Variants in AHNAK observed in about 807,000 individuals in gnomAD.
The protein encoded by AHNAK is AHNAK nucleoprotein, also known as neuroblast differentiation-associated protein AHNAK.
In AHNAK, 23 loss-of-function variants were observed where a neutral mutation model predicts 37.8. The observed-to-expected ratio is 0.61, with a 90% confidence interval of 0.44 to 0.86. The LOEUF (loss-of-function observed/expected upper bound fraction) is 0.86. Ranked by LOEUF, AHNAK falls within the 40% of genes least tolerant of loss-of-function variation. The pLI, the probability that AHNAK is intolerant of heterozygous loss-of-function variation, is 0.00. For missense variants in AHNAK, 7,411 were observed against 7,319.4 expected, an observed-to-expected ratio of 1.01 and a Z score of -0.46; for synonymous variants, 2,481 against 2,636.3, an observed-to-expected ratio of 0.94 and a Z score of 1.80.
Position 62,528,078 on chromosome 11 carries a change from C to G in AHNAK, c.6339G>C (p.Lys2113Asn), listed in dbSNP as rs200611654. ...PKLKMPEMHF[K>N]APKISMPDVD... ...CATCAGGCATGGAGATCTTGGGGGC[C>G]TTGAAGTGCATCTCAGGCATCTTAA... Residue 2113 changes from lysine to asparagine, a missense_variant, in exon 5 of 5, where the codon AAG becomes AAC. Physicochemically the swap from Lys to Asn is moderately conservative, Grantham distance 94. Transcript: ENST00000378024. The G allele has an allele frequency of 5.6e-5, 90 of 1,612,990 alleles. 1 individual carries two copies. In the South Asian group the frequency reaches 9.6e-4, roughly 17 times the overall value.
At chr11:62,483,280 C>T (rs375411346) in intron 5 of AHNAK, among the ~76,000 whole-genome samples, 9 of 152,324 alleles carry the variant, frequency 5.9e-5, no homozygotes, top group African/African-American at 1.9e-4. Flanking sequence ...CAGGATGATA[C>T]GGGAGTCGGG....
At position 62,522,012 on chromosome 11, in the gene AHNAK, G is replaced by C. The variant is rs752590988; in HGVS notation, c.12405C>G (p.Asp4135Glu). ...KAPKISMPEVDLNLKGPKMKG... is the reference protein window; with the variant it reads ...KAPKISMPEVELNLKGPKMKG... Reference sequence around the variant, plus strand: ...TCATCTTTGGACCTTTCAGATTCAGGTCAACTTCAGGCATAGAGATCTTCG... The same window carrying C: ...TCATCTTTGGACCTTTCAGATTCAGCTCAACTTCAGGCATAGAGATCTTCG... The change falls in exon 5 of 5, where the codon GAC becomes GAG. Residue 4135 changes from aspartate (D) to glutamate (E), a missense_variant. Asp to Glu is a conservative substitution (Grantham distance 45). Transcript: ENST00000378024. The C allele has an allele frequency of 3.1e-6, 5 of 1,613,788 alleles. No individual in the cohort carries two copies. In the South Asian group the frequency reaches 3.3e-5, roughly 11 times the overall value.
At position 62,517,706 on chromosome 11, in the gene AHNAK, C is replaced by G. The variant is rs757739906; in HGVS notation, c.16711G>C (p.Asp5571His). ...LKGPKIKGGA[D>H]VSGGVSAPDI... ...GGGGCACTGACACCCCCTGAAACATCCGCACCTCCTTTGATTTTTGGGCCC... is the reference window on the plus strand; with the variant it reads ...GGGGCACTGACACCCCCTGAAACATGCGCACCTCCTTTGATTTTTGGGCCC... The change falls in exon 5 of 5, where the codon GAT (aspartate) becomes CAT (histidine). Residue 5571 changes from aspartate to histidine, a missense_variant. Coordinates refer to ENST00000378024, the MANE Select transcript of AHNAK (RefSeq NM_001620.3). 2.0e-5 allele frequency: 32 copies of G among 1,614,104 alleles called. 1 individual carries two copies. The South Asian group carries it at 3.5e-4, about 18-fold the overall frequency.
In AHNAK at chr11:62,525,293, C is replaced by T. The variant is rs1293304692; in HGVS notation, c.9124G>A (p.Val3042Met). The part of the protein sequence containing the change: ...MPGFKGEGPD[V>M]DVNLPKADLD... ...TCAGCCTTGGGCAGGTTCACATCCA[C>T]ATCTGGGCCCTCTCCTTTGAAGCCA... The change falls in exon 5 of 5, where the codon GTG (valine) becomes ATG (methionine). Residue 3042 changes from valine to methionine, a missense_variant. Physicochemically the swap from Val to Met is conservative, Grantham distance 21 (BLOSUM62 1). Transcript: ENST00000378024. The T allele has an allele frequency of 4.3e-6, 7 of 1,613,278 alleles. No individual in the cohort carries two copies. Among genetic ancestry groups the T allele is most frequent in the Non-Finnish European group, 5.9e-6 (7 of 1,179,862 alleles).
Position 62,533,620 on chromosome 11 carries a change from T to G in AHNAK, c.797A>C (p.Asp266Ala), listed in dbSNP as rs200620307. 469 of 1,613,952 alleles carry G rather than the reference T, an allele frequency of 2.9e-4. No individual in the cohort carries two copies. The highest frequency in any genetic ancestry group is 3.9e-4 in the Non-Finnish European group (455 of 1,180,018). ...SGVNVNAKGL[D>A]LGGRGGVQVP... ...TTGGACCCCTCCTCTGCCACCCAAG[T>G]CCAAGCCCTTTGCATTGACATTGAC... The change falls in exon 5 of 5, where the codon GAC (aspartate) becomes GCC (alanine). Residue 266 changes from aspartate to alanine, a missense_variant. Coordinates refer to ENST00000378024, the MANE Select transcript of AHNAK (RefSeq NM_001620.3).
chr11:62,508,489 AAG>A (rs1276048365), intron 4 of AHNAK, among the ~76,000 whole-genome samples: 9 of 152,228 alleles, frequency 5.9e-5, no homozygotes, highest in Non-Finnish European at 1.5e-5. Flanking sequence ...GCCCTGTCCA[AAG>A]AGAAGGCCTT....
downstream of AHNAK, among the ~76,000 whole-genome samples, chr11:62,513,918 C>T (rs1366466401): frequency 6.6e-6 from 1 of 152,106 alleles, no homozygotes; most frequent in Non-Finnish European, 1.5e-5. Flanking sequence ...ATTGCCAGGG[C>T]TCAAGGCATT....
rs758679333 is a variant in AHNAK, at chr11:62,535,091, T to G, written c.254A>C (p.Lys85Thr). 3 of 1,614,026 alleles carry G rather than the reference T, an allele frequency of 1.9e-6. No homozygotes were observed. The highest frequency in any genetic ancestry group is 2.5e-6 in the Non-Finnish European group (3 of 1,179,964). The change falls in exon 4 of 5, where the codon AAG (lysine) becomes ACG (threonine). Residue 85 changes from lysine (K) to threonine (T), a missense_variant. Coordinates refer to ENST00000378024, the MANE Select transcript of AHNAK (RefSeq NM_001620.3). Reference protein sequence around the residue: ...NTMGHHTVGLKLHRKGDRSPE... With the variant: ...NTMGHHTVGLTLHRKGDRSPE... Reference sequence around the variant, plus strand: ...AGAGCGGTCCCCCTTGCGGTGCAGCTTCAGGCCCACCGTGTGGTGCCCCAT... The same window carrying G: ...AGAGCGGTCCCCCTTGCGGTGCAGCGTCAGGCCCACCGTGTGGTGCCCCAT...
At chr11:62,466,469 ATTT>A (rs67385747) in intron 5 of AHNAK, among the ~76,000 whole-genome samples, 59,564 of 135,758 alleles carry the variant, frequency 0.44, 13,462 homozygotes, top group South Asian at 0.69. Context: ...TAAAGTTTTG[ATTT>A]TTTTTTTTTT....
At chr11:62,447,264 A>G (rs189556858) in intron 5 of AHNAK, among the ~76,000 whole-genome samples, 1 of 152,292 alleles carries the variant, frequency 6.6e-6, no homozygotes, top group East Asian at 1.9e-4. Flanking sequence ...TTGTTCAAGG[A>G]CAGGAAAGAG....
intron 5 of AHNAK, among the ~76,000 whole-genome samples, chr11:62,471,193 C>T (rs1939028434): frequency 2.0e-5 from 3 of 152,098 alleles, no homozygotes; most frequent in Admixed American, 6.5e-5. Context: ...TTAATAGTGA[C>T]GCCTTTGACA....
intron 1 of AHNAK, among the ~76,000 whole-genome samples, chr11:62,544,239 C>A (rs1013538188): frequency 6.6e-6 from 1 of 152,178 alleles, no homozygotes; most frequent in South Asian, 2.1e-4. Flanking sequence ...CCTGGGCTGA[C>A]GCTGGACCTT....
At chr11:62,503,797 G>A (rs1412050215) in intron 4 of AHNAK, among the ~76,000 whole-genome samples, 3 of 152,106 alleles carry the variant, frequency 2.0e-5, no homozygotes, top group Non-Finnish European at 4.4e-5. Context: ...ACCAAAATCA[G>A]TACTTAGAGG....
chr11:62,494,855 C>T (rs982196349), intron 4 of AHNAK, among the ~76,000 whole-genome samples: 1 of 151,938 alleles, frequency 6.6e-6, no homozygotes, highest in Admixed American at 6.6e-5. Flanking sequence ...CAAAAATTAG[C>T]ATGGCGTGAT....
At chr11:62,447,878 C>T (rs1938449532) in intron 5 of AHNAK, among the ~76,000 whole-genome samples, 3 of 152,024 alleles carry the variant, frequency 2.0e-5, no homozygotes, top group Admixed American at 2.0e-4. Context: ...GGGAGAGAAA[C>T]AATAAATAAG....
Position 62,517,282 on chromosome 11 carries a change from A to T in AHNAK, c.17135T>A (p.Ile5712Asn), listed in dbSNP as rs1048847802. ...GGAAAAATTAAACTTGGGCATTTTG[A>T]TCTTGGACTTTTTCAGTTTGACTTC... ...ESEVKLKKSK[I>N]KMPKFNFSKP... is the part of the protein sequence containing the mutation. The change falls in exon 5 of 5, where the codon ATC (isoleucine) becomes AAC (asparagine). Residue 5712 changes from isoleucine (I) to asparagine (N), a missense_variant. Physicochemically the swap from Ile to Asn is moderately radical, Grantham distance 149. Coordinates refer to ENST00000378024, the MANE Select transcript of AHNAK (RefSeq NM_001620.3). 2.5e-6 allele frequency: 4 copies of T among 1,613,770 alleles called. No individual in the cohort carries two copies. The East Asian group carries it at 8.9e-5, about 36-fold the overall frequency.
chr11:62,480,656 A>G (rs968261921), intron 5 of AHNAK, among the ~76,000 whole-genome samples: 4 of 151,248 alleles, frequency 2.6e-5, no homozygotes, highest in African/African-American at 9.7e-5. Context: ...GCAAGACTCT[A>G]TCTCAAAAAA....
rs1940074607 is a variant in AHNAK at position 62,517,781 on chromosome 11, G to A, written c.16636C>T (p.Pro5546Ser). The A allele has an allele frequency of 1.9e-6, 3 of 1,614,154 alleles. No homozygotes were observed. The highest frequency in any genetic ancestry group is 1.7e-6 in the Non-Finnish European group (2 of 1,180,034). ...GAAPDISVKG[P>S]AFNMASPESD... is the part of the protein sequence containing the mutation. The stretch of plus-strand genomic sequence containing the variant: ...TCAGGAGATGCCATATTAAAGGCAG[G>A]CCCCTTCACACTGATATCAGGAGCA... Residue 5546 changes from proline to serine, a missense_variant, in exon 5 of 5, where the codon CCT becomes TCT. By Grantham distance (74) the Pro-to-Ser change is moderately conservative. Transcript: ENST00000378024.
intron 5 of AHNAK, among the ~76,000 whole-genome samples, chr11:62,447,989 G>A (rs866966769): frequency 2.6e-5 from 4 of 152,078 alleles, no homozygotes; most frequent in Non-Finnish European, 5.9e-5. Flanking sequence ...CTCTCAGGTC[G>A]TGGGCAGTGA....
Sources: gnomAD v4.1 joint callset for allele counts (sites outside exome capture counted in the v4.1 genomes callset) on GRCh38, gnomAD v4.1.1 for gene constraint, MANE v1.5 for transcripts, NCBI Gene and HGNC (gene_info 2026-07-23, HGNC 2026-07-21) for gene names.